The following DLG2 variants were observed in gnomAD, a reference collection of about 807,000 sequenced individuals.
The protein encoded by DLG2 is discs large MAGUK scaffold protein 2.
In DLG2, 45 loss-of-function variants were observed where a neutral mutation model predicts 132.5. That is an observed-to-expected ratio of 0.34 (90% confidence interval 0.27 to 0.44). The LOEUF is 0.44. Among genes scored for constraint, DLG2 ranks in the 20% least tolerant of loss-of-function variants. The probability of loss-of-function intolerance (pLI) is 1.00; values close to 1 mark genes in which losing one functional copy is unlikely to be tolerated. For synonymous variants in DLG2, 424 were observed against 419.6 expected, an observed-to-expected ratio of 1.01 and a Z score of -0.13; for missense variants, 1,045 against 1,196.9, an observed-to-expected ratio of 0.87 and a Z score of 1.87.
At chr11:85,259,952 A>G (rs570947533) in intron 4 of DLG2, among the ~76,000 whole-genome samples, 1 of 152,272 alleles carries the variant, frequency 6.6e-6, no homozygotes, top group African/African-American at 2.4e-5. Flanking sequence ...GTAATAAATG[A>G]ATGAGTAAAT....
At chr11:83,840,414 G>A (rs749430694) in intron 16 of DLG2, among the ~76,000 whole-genome samples, 12 of 152,220 alleles carry the variant, frequency 7.9e-5, no homozygotes, top group East Asian at 3.9e-4. Context: ...TTAATTACAC[G>A]AATGTCTTTC....
At chr11:85,039,270 C>T (rs865910997) in intron 6 of DLG2, among the ~76,000 whole-genome samples, 1 of 151,910 alleles carries the variant, frequency 6.6e-6, no homozygotes, top group Admixed American at 6.6e-5. Context: ...CAAGTTCTAC[C>T]CAAATGTCAT....
intron 7 of DLG2, among the ~76,000 whole-genome samples, chr11:84,350,435 T>C (rs2098558525): frequency 6.6e-6 from 1 of 152,178 alleles, no homozygotes; most frequent in Non-Finnish European, 1.5e-5. Flanking sequence ...GAGGCCTTAC[T>C]CATCCACATC....
intron 4 of DLG2, among the ~76,000 whole-genome samples, chr11:85,234,393 A>C (rs2075467950): frequency 6.6e-6 from 1 of 151,966 alleles, no homozygotes; most frequent in African/African-American, 2.4e-5. Flanking sequence ...GCACAGAAAG[A>C]GTGTTTGTTA....
chr11:84,032,122 A>G (rs1327391270), intron 11 of DLG2, among the ~76,000 whole-genome samples: 1 of 152,174 alleles, frequency 6.6e-6, no homozygotes, highest in African/African-American at 2.4e-5. Flanking sequence ...CCGAGGCTAA[A>G]TAATAACCCT....
At chr11:84,346,641 G>C (rs558299213) in intron 7 of DLG2, among the ~76,000 whole-genome samples, 2 of 152,194 alleles carry the variant, frequency 1.3e-5, no homozygotes, top group East Asian at 1.9e-4. Flanking sequence ...GCAGTGGCAC[G>C]ATCTTGGCTC....
At chr11:83,934,341 C>T (rs1326167996) in intron 14 of DLG2, among the ~76,000 whole-genome samples, 2 of 152,130 alleles carry the variant, frequency 1.3e-5, no homozygotes, top group African/African-American at 4.8e-5. Context: ...CAGACTGACT[C>T]TATCTTTAAA....
intron 4 of DLG2, among the ~76,000 whole-genome samples, chr11:85,279,082 A>C (rs1565259104): frequency 6.6e-6 from 1 of 152,232 alleles, no homozygotes; most frequent in East Asian, 1.9e-4. Context: ...ACTGATATCC[A>C]AAAGATATGT....
chr11:83,923,199 T>C (rs1369539834), intron 15 of DLG2, among the ~76,000 whole-genome samples: 1 of 152,124 alleles, frequency 6.6e-6, no homozygotes, highest in Admixed American at 6.6e-5. Context: ...TCAATATACA[T>C]GAGTTCAAGG....
At chr11:85,179,617 A>G (rs888578038) in intron 4 of DLG2, among the ~76,000 whole-genome samples, 2 of 151,854 alleles carry the variant, frequency 1.3e-5, no homozygotes, top group African/African-American at 2.4e-5. Context: ...AAAAATAAGA[A>G]GAAAACATAG....
chr11:84,576,284 G>T (rs1452402110), intron 6 of DLG2, among the ~76,000 whole-genome samples: 1 of 152,140 alleles, frequency 6.6e-6, no homozygotes, highest in Non-Finnish European at 1.5e-5. Context: ...CATAATATGT[G>T]TTTATCTACC....
intron 6 of DLG2, among the ~76,000 whole-genome samples, chr11:84,790,675 G>T (rs537854609): frequency 1.3e-5 from 2 of 152,302 alleles, no homozygotes; most frequent in African/African-American, 4.8e-5. Context: ...CAATGTCCTG[G>T]AGGGTTTCCC....
chr11:83,580,894 C>CTTT (rs1198014354), intron 19 of DLG2, among the ~76,000 whole-genome samples: 1 of 111,358 alleles, frequency 9.0e-6, no homozygotes, highest in East Asian at 2.6e-4. Flanking sequence ...CTCTCCCCTC[C>CTTT]CTTCCCCTCC....
intron 7 of DLG2, chr11:84,437,614 G>C (rs1377377139): frequency 6.6e-6 from 1 of 152,326 alleles, no homozygotes. Flanking sequence ...GAGGGAGAGG[G>C]TGGGAGGAGG....
At chr11:83,823,554 C>A (rs926128810) in intron 17 of DLG2, among the ~76,000 whole-genome samples, 11 of 152,100 alleles carry the variant, frequency 7.2e-5, no homozygotes, top group Admixed American at 3.9e-4. Flanking sequence ...ATCTTCAGGA[C>A]AGAAGGGATT....
intron 4 of DLG2, among the ~76,000 whole-genome samples, chr11:85,200,799 G>A (rs2081401316): frequency 6.6e-6 from 1 of 152,134 alleles, no homozygotes; most frequent in African/African-American, 2.4e-5. Context: ...CTCCCTCTCA[G>A]CTCCAGCCCC....
intron 7 of DLG2, among the ~76,000 whole-genome samples, chr11:84,371,614 G>A (rs2098706873): frequency 6.6e-6 from 1 of 152,006 alleles, no homozygotes; most frequent in Non-Finnish European, 1.5e-5. Flanking sequence ...ATACTACTAA[G>A]ATCAATTAAC....
rs1210278725 is a variant in DLG2, at chr11:84,444,603, G to T, written c.519+89967C>A. On this transcript the variant is annotated intron_variant, in intron 7 of 27. Transcript: ENST00000376104. Reference sequence around the variant, plus strand: ...AGATAATATGTATGTGCATATAATTGTTTCCTGGCTTTTTAACAATTATCC... The same window carrying T: ...AGATAATATGTATGTGCATATAATTTTTTCCTGGCTTTTTAACAATTATCC... Among the ~76,000 whole-genome samples, 3 of 151,722 alleles carry T rather than the reference G, an allele frequency of 2.0e-5. No individual in the cohort carries two copies. In the East Asian group the frequency reaches 5.8e-4, roughly 29 times the overall value.
At chr11:85,355,134 C>T (rs967567104) in intron 3 of DLG2, among the ~76,000 whole-genome samples, 2 of 151,992 alleles carry the variant, frequency 1.3e-5, no homozygotes, top group African/African-American at 2.4e-5. Flanking sequence ...ACAATTTATA[C>T]TAAATAGTTC....
Sources: gnomAD v4.1 joint callset for allele counts (sites outside exome capture counted in the v4.1 genomes callset) on GRCh38, gnomAD v4.1.1 for gene constraint, MANE v1.5 for transcripts, NCBI Gene and HGNC (gene_info 2026-07-23, HGNC 2026-07-21) for gene names.